The following ARID1B variants were observed in gnomAD, a reference collection of about 807,000 sequenced individuals.
ARID1B encodes the protein AT-rich interactive domain-containing protein 1B.
Under a neutral mutation model 212.3 loss-of-function variants are expected in ARID1B, and 30 were observed. The observed-to-expected ratio is 0.14, with a 90% CI of 0.11 to 0.19. ARID1B has a LOEUF of 0.19. Among genes scored for constraint, ARID1B ranks in the 10% least tolerant of loss-of-function variants. The pLI, the probability that ARID1B is intolerant of heterozygous loss-of-function variation, is 1.00. For missense variants in ARID1B, 2,891 were observed against 3,204.0 expected (o/e 0.90, Z 2.36); for synonymous variants, 1,402 against 1,301.7 (o/e 1.08, Z -1.66).
intron 11 of ARID1B, among the ~76,000 whole-genome samples, chr6:157,179,543 G>A (rs566480663): frequency 1.3e-5 from 2 of 152,212 alleles, no homozygotes; most frequent in South Asian, 2.1e-4. Context: ...TGGTTTTTAA[G>A]TGATGTGAAG....
Position 156,945,318 on chromosome 6 carries a change from C to T in ARID1B, c.2247+9742C>T, listed in dbSNP as rs369989045. 2.5e-5 allele frequency among the ~76,000 whole-genome samples: 3 copies of T among 119,838 alleles called. No individual in the cohort carries two copies. In the South Asian group the frequency reaches 8.8e-4, roughly 35 times the overall value. 78.6% of individuals were successfully genotyped at this position (119,838 alleles called of 152,430 possible). A position where few individuals can be genotyped will look rare whatever the true frequency, so the allele number is the denominator to read the frequency against. ...TTGATCTGGGTAGAGTGGTGTGTTA[C>T]AGTTCTCATTTTTACTTGTTTTCTC... On this transcript the variant is annotated intron_variant, in intron 4 of 19. Coordinates refer to ENST00000636930, the MANE Select transcript of ARID1B (RefSeq NM_001374828.1).
chr6:157,011,851 G>A (rs1410229992), intron 4 of ARID1B, among the ~76,000 whole-genome samples: 5 of 152,162 alleles, frequency 3.3e-5, no homozygotes, highest in Non-Finnish European at 5.9e-5. Context: ...ATAAGGAACC[G>A]ACAGATTCAG....
At position 157,189,674 on chromosome 6, in the gene ARID1B, C is replaced by T. The variant is rs752639283; in HGVS notation, c.3952C>T (p.Pro1318Ser). 6.2e-7 allele frequency: 1 copy of T among 1,613,678 alleles called. No homozygotes were observed. Among genetic ancestry groups the T allele is most frequent in the African/African-American group, 1.3e-5 (1 of 74,924 alleles). Reference sequence around the variant, plus strand: ...GGGATCCTTGCAAGGCCCACAGACCCCCCAGTCAACTGGCAGCAATTCCAT... The same window carrying T: ...GGGATCCTTGCAAGGCCCACAGACCTCCCAGTCAACTGGCAGCAATTCCAT... ...NSGSLQGPQT[P>S]QSTGSNSMAE... The change falls in exon 14 of 20, where the codon CCC (proline) becomes TCC (serine). Residue 1318 changes from proline to serine, a missense_variant. Transcript: ENST00000636930.
chr6:156,993,045 CTTT>C (rs11372694), intron 4 of ARID1B, among the ~76,000 whole-genome samples: 1 of 135,282 alleles, frequency 7.4e-6, no homozygotes, highest in Non-Finnish European at 1.6e-5. Context: ...TATGCTTTCG[CTTT>C]TTTTTTTTTT....
intron 1 of ARID1B, among the ~76,000 whole-genome samples, chr6:156,788,224 A>C (rs543326152): frequency 6.6e-6 from 1 of 152,276 alleles, no homozygotes; most frequent in East Asian, 1.9e-4. Context: ...AAACCACACT[A>C]GATCCCAGAC....
chr6:156,960,735 T>C (rs746108009), intron 4 of ARID1B, among the ~76,000 whole-genome samples: 1 of 152,342 alleles, frequency 6.6e-6, no homozygotes, highest in South Asian at 2.1e-4. Context: ...AAAAAACAAC[T>C]GGTAAACTAG....
intron 6 of ARID1B, among the ~76,000 whole-genome samples, chr6:157,127,783 CAAAAAAAAAA>C (rs61172896): frequency 0.22 from 12,620 of 57,004 alleles, 769 homozygotes; most frequent in African/African-American, 0.26. Flanking sequence ...GACTCTGTCT[CAAAAAAAAAA>C]AAAAAAAAAA....
At chr6:157,196,465 A>G in intron 16 of ARID1B, 150 bp downstream of exon 16, 1 of 1,032,146 alleles carries the variant, frequency 9.7e-7, no homozygotes, top group Non-Finnish European at 1.4e-6. Context: ...GCTGCTGGTC[A>G]CCAGGTGAGT....
At chr6:157,100,992 G>A (rs1174876114) in intron 5 of ARID1B, among the ~76,000 whole-genome samples, 2 of 152,196 alleles carry the variant, frequency 1.3e-5, no homozygotes, top group African/African-American at 4.8e-5. Flanking sequence ...AAGTCAGATG[G>A]TGGCAGGTGA....
chr6:156,971,108 C>G (rs1776891117), intron 4 of ARID1B, among the ~76,000 whole-genome samples: 1 of 152,066 alleles, frequency 6.6e-6, no homozygotes, highest in Admixed American at 6.5e-5. Context: ...AGAGTAATTA[C>G]CAGGGAATTA....
chr6:157,042,679 G>A (rs1282544513), intron 4 of ARID1B, among the ~76,000 whole-genome samples: 13 of 136,982 alleles, frequency 9.5e-5, no homozygotes, highest in Non-Finnish European at 1.7e-4. Context: ...TTTTTTTTGA[G>A]ACAGAGTCTC....
chr6:157,128,785 T>C (rs1788333034), intron 6 of ARID1B, among the ~76,000 whole-genome samples: 1 of 152,250 alleles, frequency 6.6e-6, no homozygotes, highest in Non-Finnish European at 1.5e-5. Flanking sequence ...GACAGCTGTT[T>C]AACATGTTCA....
chr6:157,056,842 C>CT (rs1298255715), intron 4 of ARID1B, among the ~76,000 whole-genome samples: 12 of 136,470 alleles, frequency 8.8e-5, no homozygotes, highest in East Asian at 2.1e-4. Flanking sequence ...TCTTAAAAAG[C>CT]TTTTTTTAAC....
chr6:157,099,365 G>A lies in ARID1B; in HGVS notation c.2492-11107G>A, dbSNP rs191408879. Among the ~76,000 whole-genome samples the A allele has an allele frequency of 8.5e-5, 13 of 152,206 alleles. No individual in the cohort carries two copies. In the South Asian group the frequency reaches 2.7e-3, roughly 32 times the overall value. The stretch of plus-strand genomic sequence containing the variant: ...CCTTTGCCTTGCCAGAGACTTTTCA[G>A]TTTCTTTGCCCCAAGTTCTCTGTGG... On this transcript the variant is annotated intron_variant, in intron 5 of 19. Coordinates refer to ENST00000636930, the MANE Select transcript of ARID1B (RefSeq NM_001374828.1).
chr6:156,804,344 A>C (rs1781000308), intron 1 of ARID1B, among the ~76,000 whole-genome samples: 1 of 151,778 alleles, frequency 6.6e-6, no homozygotes, highest in South Asian at 2.1e-4. Flanking sequence ...TCAAAAAAAA[A>C]GCAAAAAAAA....
In ARID1B at chr6:157,186,777, AACATTTTAGATTTTTTTTC is replaced by A. The variant is rs1461122575; in HGVS notation, c.3919+2345_3919+2363del. Among the ~76,000 whole-genome samples, 11 of 152,250 alleles carry A rather than the reference AACATTTTAGATTTTTTTTC, an allele frequency of 7.2e-5. 1 individual carries two copies. The highest frequency in any genetic ancestry group is 6.5e-4 in the Admixed American group (10 of 15,286). On this transcript the variant is annotated intron_variant, in intron 13 of 19. Coordinates refer to ENST00000636930, the MANE Select transcript of ARID1B (RefSeq NM_001374828.1). ...GAACTAAACTAAAAGATTCTGAAGA[AACATTTTAGATTTTTTTTC>A]ACCCAATGGTTGCTCTGAACCAGCT... is the stretch of plus-strand genomic sequence containing the variant.
intron 6 of ARID1B, chr6:157,119,441 A>C (rs1583339030): frequency 2.0e-5 from 3 of 153,116 alleles, no homozygotes; most frequent in African/African-American, 7.2e-5. Flanking sequence ...CTGTCATCAC[A>C]CTGCTTTCTC....
chr6:156,897,212 G>GCTT (rs1259415755), intron 2 of ARID1B, among the ~76,000 whole-genome samples: 9 of 70,014 alleles, frequency 1.3e-4, no homozygotes, highest in South Asian at 5.1e-4. Context: ...TGCTGCTGCT[G>GCTT]CTGCTGCTTC....
At chr6:156,785,031 A>G (rs1583038534) in intron 1 of ARID1B, among the ~76,000 whole-genome samples, 1 of 152,194 alleles carries the variant, frequency 6.6e-6, no homozygotes, top group Non-Finnish European at 1.5e-5. Context: ...AAGTGCTGGG[A>G]TTACAGATGT....
Sources: allele counts gnomAD v4.1 joint callset (sites outside exome capture counted in the v4.1 genomes callset), GRCh38; gene constraint gnomAD v4.1.1; transcripts MANE v1.5; gene names NCBI Gene and HGNC (gene_info 2026-07-23, HGNC 2026-07-21).